PDE12: variants seen among roughly 807,000 people sequenced by gnomAD.
The protein encoded by PDE12 is phosphodiesterase 12, also known as 2',5'-phosphodiesterase 12.
PDE12 carries 26 observed loss-of-function variants against 45.4 expected under a neutral mutation model. The observed-to-expected ratio is 0.57, with a 90% CI of 0.42 to 0.79. The LOEUF is 0.79. Ranked by LOEUF, PDE12 falls within the 30% of genes least tolerant of loss-of-function variation. The pLI is 0.00. For synonymous variants in PDE12, 283 were observed against 323.9 expected, an observed-to-expected ratio of 0.87 and a Z score of 1.36; for missense variants, 668 against 790.0, an observed-to-expected ratio of 0.85 and a Z score of 1.85.
At chr3:57,650,806 T>TG in the PDE12 span, among the ~76,000 whole-genome samples, 1 of 141,264 alleles carries the variant, frequency 7.1e-6, no homozygotes, top group African/African-American at 2.6e-5. Context: ...TTTTTTGAGA[T>TG]GGAGTTTTGC....
the PDE12 span, among the ~76,000 whole-genome samples, chr3:57,614,355 A>C: frequency 6.6e-6 from 1 of 152,116 alleles, no homozygotes; most frequent in Non-Finnish European, 1.5e-5. Flanking sequence ...CAATAACAAA[A>C]AGATATTTGG....
the PDE12 span, chr3:57,575,686 G>A: frequency 1.2e-6 from 2 of 1,601,494 alleles, no homozygotes; most frequent in Non-Finnish European, 1.7e-6. Context: ...GGAAATAAAA[G>A]GTAAGGCATT....
chr3:57,570,222 T>TTTTG (rs1328704086), downstream of PDE12, among the ~76,000 whole-genome samples: 7 of 138,556 alleles, frequency 5.1e-5, no homozygotes, highest in East Asian at 2.0e-4. Flanking sequence ...ATCCAGTGTT[T>TTTTG]TTTTTTTTTT....
chr3:57,635,616 T>C, the PDE12 span, among the ~76,000 whole-genome samples: 1 of 152,296 alleles, frequency 6.6e-6, no homozygotes, highest in East Asian at 1.9e-4. Context: ...CAAAATGCCT[T>C]TGTTTAAATA....
In PDE12 at chr3:57,559,398, A is replaced by G. The variant is rs1341942731; in HGVS notation, c.1387+10A>G. The G allele has an allele frequency of 8.7e-6, 14 of 1,602,780 alleles. No individual in the cohort carries two copies. The highest frequency in any genetic ancestry group is 1.2e-5 in the Non-Finnish European group (14 of 1,170,316). On this transcript the variant is annotated intron_variant, in intron 2 of 2. Transcript: ENST00000311180. ...TACTGGCATCCTAAAGGTAGGTTTT[A>G]TTTGGTATCACAAGTGACTTAAACA...
the PDE12 span, among the ~76,000 whole-genome samples, chr3:57,651,012 G>A: frequency 1.0e-3 from 157 of 152,140 alleles, no homozygotes; most frequent in Non-Finnish European, 8.7e-4. Flanking sequence ...TCGAACTCCC[G>A]ATCTCAGATG....
chr3:57,594,015 G>T, the PDE12 span, among the ~76,000 whole-genome samples: 3 of 152,130 alleles, frequency 2.0e-5, no homozygotes, highest in African/African-American at 7.2e-5. Flanking sequence ...TAGCACTTTG[G>T]GAGGCCAAGG....
At position 57,565,108 on chromosome 3, in the gene PDE12, T is replaced by G; in HGVS notation, c.*5104T>G. ...CTTAAGCGATCCTCCCACCTCAGCC[T>G]CCTGAGTAGCTGGGACTATAGGTGC... On this transcript the variant is annotated 3_prime_UTR_variant, in exon 3 of 3. Transcript: ENST00000311180. 1 of 151,960 alleles carries G rather than the reference T, an allele frequency of 6.6e-6. No individual in the cohort carries two copies. Among genetic ancestry groups the G allele is most frequent in the Admixed American group, 6.6e-5 (1 of 15,216 alleles). 9.4% of individuals were successfully genotyped at this position (151,960 alleles called of 1,614,324 possible). A position where few individuals can be genotyped will look rare whatever the true frequency, so the allele number is the denominator to read the frequency against.
the PDE12 span, among the ~76,000 whole-genome samples, chr3:57,645,278 T>C: frequency 6.6e-6 from 1 of 151,858 alleles, no homozygotes. Flanking sequence ...CTGATCAACA[T>C]GGTGAAACCC....
rs2069737755 is a variant in PDE12 at position 57,562,444 on chromosome 3, G to A, written c.*2440G>A. 1 of 152,288 alleles carries A rather than the reference G, an allele frequency of 6.6e-6. No homozygotes were observed. The highest frequency in any genetic ancestry group is 2.1e-4 in the South Asian group (1 of 4,826). The allele number at this position is 152,288 out of a possible 1,614,324, so 9.4% of individuals were successfully genotyped here. Reference sequence around the variant, plus strand: ...AAAATGATTGGAGTCCAAAGGTAGGGAACACTAAGAAAATGTATAAATAGC... The same window carrying A: ...AAAATGATTGGAGTCCAAAGGTAGGAAACACTAAGAAAATGTATAAATAGC... On this transcript the variant is annotated 3_prime_UTR_variant, in exon 3 of 3. Transcript: ENST00000311180.
At chr3:57,633,587 C>G in the PDE12 span, among the ~76,000 whole-genome samples, 1 of 152,042 alleles carries the variant, frequency 6.6e-6, no homozygotes, top group Non-Finnish European at 1.5e-5. Flanking sequence ...TCATCCCATA[C>G]TGTGAAAATG....
chr3:57,592,661 C>CTA, the PDE12 span, among the ~76,000 whole-genome samples: 1 of 152,098 alleles, frequency 6.6e-6, no homozygotes, highest in Non-Finnish European at 1.5e-5. Flanking sequence ...GCCTATTGCA[C>CTA]TACTATAATA....
At chr3:57,592,170 A>T in the PDE12 span, among the ~76,000 whole-genome samples, 1 of 152,100 alleles carries the variant, frequency 6.6e-6, no homozygotes, top group Non-Finnish European at 1.5e-5. Flanking sequence ...TCCTGCCTTT[A>T]GGTTTTTCTG....
the PDE12 span, among the ~76,000 whole-genome samples, chr3:57,573,212 A>G: frequency 2.0e-5 from 3 of 151,818 alleles, no homozygotes; most frequent in African/African-American, 4.8e-5. Flanking sequence ...AAAAAAAAAA[A>G]AAAGAAAGAA....
chr3:57,610,618 GTGAACT>G, the PDE12 span, among the ~76,000 whole-genome samples: 1 of 152,078 alleles, frequency 6.6e-6, no homozygotes, highest in Non-Finnish European at 1.5e-5. Context: ...CAAATCATGA[GTGAACT>G]CCCATTCACA....
At position 57,561,973 on chromosome 3, in the gene PDE12, T is replaced by C. The variant is rs1420602753; in HGVS notation, c.*1969T>C. ...TGCTACCAAATTGTGCCTTCCTAAA[T>C]AACATTTTTGAGAGCATTTTAACAG... is the stretch of plus-strand genomic sequence containing the variant. On this transcript the variant is annotated 3_prime_UTR_variant, in exon 3 of 3. Transcript: ENST00000311180. The C allele has an allele frequency of 3.0e-6, 3 of 984,458 alleles. No homozygotes were observed. Among genetic ancestry groups the C allele is most frequent in the East Asian group, 1.1e-4 (1 of 8,820 alleles). The allele number at this position is 984,458 out of a possible 1,614,324, so 61.0% of individuals were successfully genotyped here.
chr3:57,560,219 A>ATT lies in PDE12; in HGVS notation c.*216_*217insTT. 1 of 1,260,434 alleles carries ATT rather than the reference A, an allele frequency of 7.9e-7. No individual in the cohort carries two copies. Among genetic ancestry groups the ATT allele is most frequent in the Non-Finnish European group, 1.0e-6 (1 of 1,003,888 alleles). 78.1% of individuals were successfully genotyped at this position (1,260,434 alleles called of 1,614,324 possible). On this transcript the variant is annotated 3_prime_UTR_variant, in exon 3 of 3. Transcript: ENST00000311180. ...TCCTCTACAATTGGAGGAGAAACAA[A>ATT]TATATTTCTTACTAGCAAAATAGAA...
the PDE12 span, among the ~76,000 whole-genome samples, chr3:57,631,976 C>T: frequency 2.1e-5 from 3 of 144,172 alleles, no homozygotes; most frequent in South Asian, 2.2e-4. Flanking sequence ...CCCGCCTCGG[C>T]CTCCCAAAGT....
At chr3:57,614,551 T>G in the PDE12 span, among the ~76,000 whole-genome samples, 2,802 of 91,432 alleles carry the variant, frequency 0.031, 67 homozygotes, top group African/African-American at 0.087. Flanking sequence ...TTTGTTTTTT[T>G]TTTTTTTTTT....
Sources: allele counts gnomAD v4.1 joint callset (sites outside exome capture counted in the v4.1 genomes callset), GRCh38; gene constraint gnomAD v4.1.1; transcripts MANE v1.5; gene names NCBI Gene and HGNC (gene_info 2026-07-23, HGNC 2026-07-21).